Variants in SEMA5B observed in about 807,000 individuals in gnomAD.
SEMA5B encodes semaphorin 5B, also known as semaphorin-5B.
In SEMA5B, 66 loss-of-function variants were observed where a neutral mutation model predicts 135.0. The ratio of observed to expected loss-of-function variants is 0.49; its 90% confidence interval spans 0.40 to 0.60. The LOEUF (loss-of-function observed/expected upper bound fraction) is 0.60. SEMA5B is among the 20% of genes least tolerant of loss of function. SEMA5B has a pLI of 0.00. For synonymous variants in SEMA5B, 690 were observed against 639.5 expected, an observed-to-expected ratio of 1.08 and a Z score of -1.19; for missense variants, 1,501 against 1,566.3, an observed-to-expected ratio of 0.96 and a Z score of 0.70.
At chr3:122,994,644 G>A (rs920058519) in intron 1 of SEMA5B, among the ~76,000 whole-genome samples, 4 of 152,140 alleles carry the variant, frequency 2.6e-5, no homozygotes, top group Non-Finnish European at 5.9e-5. Flanking sequence ...GACCATGAGA[G>A]GTGACCGCCT....
intron 1 of SEMA5B, among the ~76,000 whole-genome samples, chr3:122,985,355 T>C (rs1345084761): frequency 6.6e-6 from 1 of 152,006 alleles, no homozygotes; most frequent in Non-Finnish European, 1.5e-5. Context: ...TTTAAGAAAT[T>C]AGCCCAGCAG....
chr3:123,021,716 C>T (rs1942683441), intron 1 of SEMA5B, among the ~76,000 whole-genome samples: 1 of 152,228 alleles, frequency 6.6e-6, no homozygotes, highest in African/African-American at 2.4e-5. Flanking sequence ...TCAGCTCTGG[C>T]AGGGAACGAA....
chr3:122,985,057 G>C (rs1007832635), intron 1 of SEMA5B, among the ~76,000 whole-genome samples: 2 of 152,244 alleles, frequency 1.3e-5, no homozygotes, highest in African/African-American at 4.8e-5. Context: ...AGTTAAAAAA[G>C]CTACATCAAT....
intron 1 of SEMA5B, among the ~76,000 whole-genome samples, chr3:122,979,664 T>C (rs1941456268): frequency 6.6e-6 from 1 of 152,162 alleles, no homozygotes; most frequent in South Asian, 2.1e-4. Context: ...CAGGTAGATA[T>C]TTCATCTCAC....
Position 122,991,764 on chromosome 3 carries a change from A to T in SEMA5B, c.-38-30463T>A, listed in dbSNP as rs1012137004. 5.3e-5 allele frequency among the ~76,000 whole-genome samples: 8 copies of T among 152,164 alleles called. 1 individual carries two copies. The highest frequency in any genetic ancestry group is 5.2e-4 in the Admixed American group (8 of 15,276). On this transcript the variant is annotated intron_variant, in intron 1 of 22. Coordinates refer to ENST00000357599, the MANE Select transcript of SEMA5B (RefSeq NM_001031702.4). Reference sequence around the variant, plus strand: ...TGGGGGTGCACCAGAGTTGTGCCACACACAACCCTCTGGAAAGTTGGAAAT... The same window carrying T: ...TGGGGGTGCACCAGAGTTGTGCCACTCACAACCCTCTGGAAAGTTGGAAAT...
At chr3:122,922,912 C>T (rs932298389) in intron 10 of SEMA5B, among the ~76,000 whole-genome samples, 5 of 152,112 alleles carry the variant, frequency 3.3e-5, no homozygotes, top group African/African-American at 1.2e-4. Flanking sequence ...GCATATGAAC[C>T]TTCTCACATA....
chr3:122,942,804 C>T lies in SEMA5B; in HGVS notation c.428+632G>A, dbSNP rs575969454. On this transcript the variant is annotated intron_variant, in intron 4 of 22. Coordinates refer to ENST00000357599, the MANE Select transcript of SEMA5B (RefSeq NM_001031702.4). ...AACACATTCTCGGGTGCTGCTGGGC[C>T]AGAGACTGCACCATGAGAGCTACTG... is the stretch of plus-strand genomic sequence containing the variant. Among the ~76,000 whole-genome samples the T allele has an allele frequency of 5.3e-5, 8 of 152,312 alleles. No individual in the cohort carries two copies. In the East Asian group the frequency reaches 1.5e-3, roughly 29 times the overall value.
Position 122,912,357 on chromosome 3 carries a change from G to T in SEMA5B, c.2726-15C>A, listed in dbSNP as rs1560277763. 1.3e-6 allele frequency: 2 copies of T among 1,565,782 alleles called. No individual in the cohort carries two copies. Among genetic ancestry groups the T allele is most frequent in the South Asian group, 2.4e-5 (2 of 82,800 alleles). ...AGCACCCCGAACTGCAAGGGGACGG[G>T]GTGTGTGAGGGGCTGTAGGGGCAGC... On this transcript the variant is annotated splice_polypyrimidine_tract_variant and intron_variant, in intron 18 of 22. Transcript: ENST00000357599.
chr3:122,949,013 G>T (rs912848542), intron 2 of SEMA5B, among the ~76,000 whole-genome samples: 2 of 152,136 alleles, frequency 1.3e-5, no homozygotes, highest in African/African-American at 4.8e-5. Flanking sequence ...TTTAATAAAT[G>T]GAGCTGAGGC....
chr3:122,912,853 C>CTGGG lies in SEMA5B; in HGVS notation c.2711_2714dup (p.Gln905HisfsTer43). 6.3e-7 allele frequency: 1 copy of CTGGG among 1,585,142 alleles called. No individual in the cohort carries two copies. Among genetic ancestry groups the CTGGG allele is most frequent in the East Asian group, 2.3e-5 (1 of 43,332 alleles). On this transcript the variant is annotated frameshift_variant, in exon 18 of 23. Coordinates refer to ENST00000357599, the MANE Select transcript of SEMA5B (RefSeq NM_001031702.4). LOFTEE classifies it high-confidence loss of function. ...TCCGTGCAGGGTTACCTGGGCAAGC[C>CTGGG]TGGGGGTTGCAGTCCTGGTACTCGG...
intron 1 of SEMA5B, among the ~76,000 whole-genome samples, chr3:122,983,348 A>G (rs1018813018): frequency 6.6e-6 from 1 of 151,864 alleles, no homozygotes; most frequent in Non-Finnish European, 1.5e-5. Context: ...ATCTTTTTGC[A>G]GTCTAACTTA....
At chr3:122,928,185 C>T (rs1239205277) in intron 7 of SEMA5B, among the ~76,000 whole-genome samples, 182 bp from the exon 8 acceptor site, 2 of 152,182 alleles carry the variant, frequency 1.3e-5, no homozygotes, top group African/African-American at 2.4e-5. Flanking sequence ...GGGAGAGGTC[C>T]TCCCAGTAGC....
intron 1 of SEMA5B, among the ~76,000 whole-genome samples, chr3:122,987,689 G>T (rs1269758526): frequency 6.6e-6 from 1 of 152,120 alleles, no homozygotes; most frequent in African/African-American, 2.4e-5. Flanking sequence ...GCCCTGTATT[G>T]GTCACTGGAT....
chr3:122,966,958 CA>C (rs1940875586), intron 1 of SEMA5B, among the ~76,000 whole-genome samples: 3 of 150,708 alleles, frequency 2.0e-5, no homozygotes, highest in South Asian at 4.2e-4. Flanking sequence ...TATCTTGGCT[CA>C]ACACAACCTC....
At chr3:122,929,532 C>G (rs150818580) in intron 5 of SEMA5B, among the ~76,000 whole-genome samples, 1 of 152,310 alleles carries the variant, frequency 6.6e-6, no homozygotes, top group East Asian at 1.9e-4. Flanking sequence ...CTGTTGACAA[C>G]TCTGGGCTTT....
intron 9 of SEMA5B, among the ~76,000 whole-genome samples, chr3:122,924,867 A>G (rs953430357): frequency 3.9e-5 from 6 of 152,090 alleles, no homozygotes; most frequent in African/African-American, 1.4e-4. Flanking sequence ...TTTTCTGCAC[A>G]CTGCCCTTTC....
chr3:122,949,025 A>G (rs1167556152), intron 2 of SEMA5B, among the ~76,000 whole-genome samples: 1 of 152,238 alleles, frequency 6.6e-6, no homozygotes, highest in Non-Finnish European at 1.5e-5. Flanking sequence ...AGCTGAGGCC[A>G]TGGGTAGCTA....
At chr3:122,919,175 T>C (rs1938228175) in intron 12 of SEMA5B, among the ~76,000 whole-genome samples, 1 of 151,928 alleles carries the variant, frequency 6.6e-6, no homozygotes, top group Non-Finnish European at 1.5e-5. Flanking sequence ...GGAAAAGGTA[T>C]CTCTGAAGCT....
intron 1 of SEMA5B, among the ~76,000 whole-genome samples, chr3:122,980,571 G>A (rs1941491740): frequency 6.6e-6 from 1 of 152,136 alleles, no homozygotes; most frequent in Admixed American, 6.5e-5. Flanking sequence ...CCAGGACCAA[G>A]GCCAATCATT....
Sources: gnomAD v4.1 joint callset for allele counts (sites outside exome capture counted in the v4.1 genomes callset) on GRCh38, gnomAD v4.1.1 for gene constraint, MANE v1.5 for transcripts, NCBI Gene and HGNC (gene_info 2026-07-23, HGNC 2026-07-21) for gene names.